The following THSD4 variants were observed in gnomAD, a reference collection of about 807,000 sequenced individuals.
The protein encoded by THSD4 is thrombospondin type-1 domain-containing protein 4.
Under a neutral mutation model 119.0 loss-of-function variants are expected in THSD4, and 69 were observed. The observed-to-expected ratio is 0.58, with a 90% CI of 0.48 to 0.71. The LOEUF is 0.71. Ranked by LOEUF, THSD4 falls within the 30% of genes least tolerant of loss-of-function variation. The pLI is 0.00. For synonymous variants in THSD4, 524 were observed against 540.4 expected, an observed-to-expected ratio of 0.97 and a Z score of 0.42; for missense variants, 1,393 against 1,391.1, an observed-to-expected ratio of 1.00 and a Z score of -0.02.
In THSD4 at chr15:71,675,509, C is replaced by T. The variant is rs537186309; in HGVS notation, c.1357+14775C>T. Among the ~76,000 whole-genome samples, 19 of 152,266 alleles carry T rather than the reference C, an allele frequency of 1.2e-4. No individual in the cohort carries two copies. The Middle Eastern group carries it at 0.01, about 82-fold the overall frequency. On this transcript the variant is annotated intron_variant, in intron 8 of 17. Transcript: ENST00000261862. The stretch of plus-strand genomic sequence containing the variant: ...GTGGTGTGGATACAGAAATAAAGGT[C>T]GTGCTGGCTCTCCTGAGGCCCATGC...
chr15:71,577,216 A>G (rs1179961227), intron 7 of THSD4, among the ~76,000 whole-genome samples: 1 of 152,192 alleles, frequency 6.6e-6, no homozygotes, highest in East Asian at 1.9e-4. Context: ...TGTTGTTTTA[A>G]ATCTCTTGCA....
At chr15:71,491,825 T>C (rs2047924182) in intron 7 of THSD4, among the ~76,000 whole-genome samples, 1 of 152,070 alleles carries the variant, frequency 6.6e-6, no homozygotes, top group Non-Finnish European at 1.5e-5. Context: ...GCTGTGATTG[T>C]GCCACTGCAT....
At chr15:71,511,847 G>A (rs1420803620) in intron 7 of THSD4, among the ~76,000 whole-genome samples, 2 of 152,176 alleles carry the variant, frequency 1.3e-5, no homozygotes, top group African/African-American at 4.8e-5. Flanking sequence ...GATAAGAAAA[G>A]CTTGGTATTT....
At chr15:71,368,322 C>A (rs2045994781) in intron 6 of THSD4, among the ~76,000 whole-genome samples, 1 of 152,150 alleles carries the variant, frequency 6.6e-6, no homozygotes, top group Non-Finnish European at 1.5e-5. Context: ...GCTTTTGTTG[C>A]CATTGCTTTT....
At chr15:71,608,096 A>T (rs2050144968) in intron 7 of THSD4, among the ~76,000 whole-genome samples, 1 of 151,514 alleles carries the variant, frequency 6.6e-6, no homozygotes, top group Non-Finnish European at 1.5e-5. Context: ...GGTGGCAGGC[A>T]CCTGTAATGC....
At chr15:71,136,921 C>T (rs532425321) in intron 1 of THSD4, among the ~76,000 whole-genome samples, 1 of 152,260 alleles carries the variant, frequency 6.6e-6, no homozygotes, top group Admixed American at 6.5e-5. Flanking sequence ...CCTTTTCCAC[C>T]CTTAGTTTGA....
At chr15:71,436,099 C>T (rs1239360302) in intron 7 of THSD4, among the ~76,000 whole-genome samples, 1 of 152,158 alleles carries the variant, frequency 6.6e-6, no homozygotes, top group Non-Finnish European at 1.5e-5. Flanking sequence ...AGGAGACCCT[C>T]ATCCGGTTTT....
chr15:71,482,961 T>A (rs966979959), intron 7 of THSD4, among the ~76,000 whole-genome samples: 2 of 152,194 alleles, frequency 1.3e-5, no homozygotes, highest in Non-Finnish European at 2.9e-5. Context: ...GTTCAACTTA[T>A]ATCTCATTGG....
chr15:71,775,839 A>G (rs1194972682), intron 17 of THSD4, among the ~76,000 whole-genome samples: 3 of 152,256 alleles, frequency 2.0e-5, no homozygotes, highest in Admixed American at 2.0e-4. Flanking sequence ...CCACATATCA[A>G]GGCATCTTGG....
intron 6 of THSD4, among the ~76,000 whole-genome samples, chr15:71,391,270 C>T (rs2046374880): frequency 6.6e-6 from 1 of 152,094 alleles, no homozygotes; most frequent in Admixed American, 6.5e-5. Context: ...ACCTCGTGAT[C>T]CGCCTGCCTC....
chr15:71,699,210 C>CTTT lies in THSD4; in HGVS notation c.1358-29321_1358-29319dup, dbSNP rs34295616. On this transcript the variant is annotated intron_variant, in intron 8 of 17. Coordinates refer to ENST00000261862, the MANE Select transcript of THSD4 (RefSeq NM_024817.3). ...AGGTGTATACATTAAATAGCTACAG[C>CTTT]TTTTTTTTTTTTTTTTTTTTGAGAC... Among the ~76,000 whole-genome samples, 104 of 72,986 alleles carry CTTT rather than the reference C, an allele frequency of 1.4e-3. 1 individual carries two copies. The highest frequency in any genetic ancestry group is 1.9e-3 in the Admixed American group (10 of 5,308). 47.9% of individuals were successfully genotyped at this position (72,986 alleles called of 152,430 possible).
At chr15:71,442,247 C>G (rs956285218) in intron 7 of THSD4, among the ~76,000 whole-genome samples, 2 of 151,956 alleles carry the variant, frequency 1.3e-5, no homozygotes, top group Admixed American at 6.5e-5. Context: ...CATGAGCCAC[C>G]GCACCCAGCC....
chr15:71,638,818 C>T (rs1414470976), intron 7 of THSD4, among the ~76,000 whole-genome samples: 3 of 152,186 alleles, frequency 2.0e-5, no homozygotes, highest in Admixed American at 6.5e-5. Context: ...GTGACAACTA[C>T]TGTAATGACA....
chr15:71,547,254 G>C, intron 7 of THSD4: 2 of 1,406,556 alleles, frequency 1.4e-6, no homozygotes, highest in Non-Finnish European at 1.8e-6. Flanking sequence ...GGCTGAGCTC[G>C]AAGCGCCGGG....
At chr15:71,644,162 A>C (rs1481309532) in intron 7 of THSD4, among the ~76,000 whole-genome samples, 1 of 152,216 alleles carries the variant, frequency 6.6e-6, no homozygotes, top group African/African-American at 2.4e-5. Flanking sequence ...GGCTAACACC[A>C]GGGTCTAACT....
intron 6 of THSD4, among the ~76,000 whole-genome samples, chr15:71,340,300 C>T (rs2045548490): frequency 6.6e-6 from 1 of 152,224 alleles, no homozygotes; most frequent in East Asian, 1.9e-4. Context: ...GAACCCAAGG[C>T]TCAGAGAGGT....
At chr15:71,574,877 A>G (rs1392644294) in intron 7 of THSD4, among the ~76,000 whole-genome samples, 9 of 152,168 alleles carry the variant, frequency 5.9e-5, no homozygotes, top group Admixed American at 5.9e-4. Flanking sequence ...GTTACAATCT[A>G]GTCCATTTCT....
intron 7 of THSD4, among the ~76,000 whole-genome samples, chr15:71,506,200 AT>A (rs1248900352): frequency 6.6e-6 from 1 of 152,028 alleles, no homozygotes; most frequent in Non-Finnish European, 1.5e-5. Context: ...GGTTTTGCTG[AT>A]CTAGATCTTA....
intron 10 of THSD4, chr15:71,731,509 G>A (rs773010991): frequency 4.8e-5 from 18 of 375,822 alleles, no homozygotes; most frequent in Non-Finnish European, 8.6e-5. Context: ...CCAGACAAGG[G>A]GGCTCATGCC....
Sources: allele counts gnomAD v4.1 joint callset (sites outside exome capture counted in the v4.1 genomes callset), GRCh38; gene constraint gnomAD v4.1.1; transcripts MANE v1.5; gene names NCBI Gene and HGNC (gene_info 2026-07-23, HGNC 2026-07-21).